Variants in RANBP9 observed in about 807,000 individuals in gnomAD.
The protein encoded by RANBP9 is RAN binding protein 9, also known as ran-binding protein 9.
In RANBP9, 15 loss-of-function variants were observed where a neutral mutation model predicts 84.3. That is an observed-to-expected ratio of 0.18 (90% CI 0.12 to 0.27). The LOEUF (loss-of-function observed/expected upper bound fraction) is 0.27, where lower values mean the gene tolerates loss of function less well. Ranked by LOEUF, RANBP9 falls within the 10% of genes least tolerant of loss-of-function variation. RANBP9 has a pLI of 1.00. For synonymous variants in RANBP9, 392 were observed against 349.6 expected (o/e 1.12, Z -1.35); for missense variants, 809 against 912.8 (o/e 0.89, Z 1.46).
chr6:13,641,235 A>G lies in RANBP9; in HGVS notation c.1298T>C (p.Leu433Ser). Residue 433 changes from leucine (L) to serine (S), a missense_variant, in exon 8 of 14, where the codon TTA becomes TCA. By Grantham distance (145) the Leu-to-Ser change is moderately radical. Transcript: ENST00000011619. The part of the protein sequence containing the change: ...IETTQQLYPS[L>S]LERNPNLLFT... ...AAGGAGATTAGGATTTCTTTCAAGT[A>G]AACTTGGGTATAACTGTTGTGTTGT... is the stretch of plus-strand genomic sequence containing the variant. 3 of 1,597,286 alleles carry G rather than the reference A, an allele frequency of 1.9e-6. No individual in the cohort carries two copies. Among genetic ancestry groups the G allele is most frequent in the Non-Finnish European group, 2.6e-6 (3 of 1,171,538 alleles).
intron 5 of RANBP9, 139 bp downstream of exon 5, chr6:13,652,520 G>T (rs1765319566): frequency 1.3e-6 from 1 of 776,756 alleles, no homozygotes; most frequent in Non-Finnish European, 1.9e-6. Context: ...TTAGAGAAAA[G>T]ATCTCTTTCT....
chr6:13,622,700 A>G (rs1027539443), intron 13 of RANBP9, among the ~76,000 whole-genome samples: 2 of 152,226 alleles, frequency 1.3e-5, no homozygotes, highest in Admixed American at 6.5e-5. Context: ...GTATTCAACT[A>G]TAAGATAAAC....
intron 3 of RANBP9, among the ~76,000 whole-genome samples, chr6:13,657,858 A>G (rs1765438727): frequency 6.6e-6 from 1 of 152,238 alleles, no homozygotes; most frequent in South Asian, 2.1e-4. Context: ...AAAGGGTACA[A>G]AACAAAGCAT....
intron 5 of RANBP9, among the ~76,000 whole-genome samples, chr6:13,649,177 G>A (rs1454425835): frequency 6.6e-6 from 1 of 152,002 alleles, no homozygotes; most frequent in East Asian, 1.9e-4. Flanking sequence ...TTGATATGAA[G>A]CCTATGGAAG....
chr6:13,690,872 G>A (rs1766306576), intron 2 of RANBP9, among the ~76,000 whole-genome samples: 1 of 152,052 alleles, frequency 6.6e-6, no homozygotes, highest in African/African-American at 2.4e-5. Context: ...ATGCCCTAAA[G>A]AAGTTATGCA....
At chr6:13,663,070 G>C (rs1209894115) in intron 2 of RANBP9, among the ~76,000 whole-genome samples, 1 of 151,902 alleles carries the variant, frequency 6.6e-6, no homozygotes, top group Admixed American at 6.6e-5. Context: ...GATTCAAGAA[G>C]CTCAGCAAAC....
intron 11 of RANBP9, among the ~76,000 whole-genome samples, chr6:13,633,091 G>A (rs886802614): frequency 6.6e-6 from 1 of 151,748 alleles, no homozygotes; most frequent in African/African-American, 2.4e-5. Flanking sequence ...CTGGAGTGCA[G>A]TGGTGTGATC....
At chr6:13,671,171 A>G (rs1228256296) in intron 2 of RANBP9, among the ~76,000 whole-genome samples, 1 of 152,188 alleles carries the variant, frequency 6.6e-6, no homozygotes, top group Non-Finnish European at 1.5e-5. Context: ...ATGTGTTGAC[A>G]AGAATGTGGA....
intron 2 of RANBP9, among the ~76,000 whole-genome samples, chr6:13,684,992 TCTC>T (rs570049915): frequency 3.9e-5 from 6 of 152,278 alleles, no homozygotes; most frequent in African/African-American, 1.4e-4. Context: ...TCCTCAGCCT[TCTC>T]CTGGACTCAC....
chr6:13,679,229 T>C (rs1023478611), intron 2 of RANBP9, among the ~76,000 whole-genome samples: 3 of 152,210 alleles, frequency 2.0e-5, no homozygotes, highest in African/African-American at 7.2e-5. Context: ...AAGCTGCATC[T>C]TTCTTCAGCT....
At position 13,669,947 on chromosome 6, in the gene RANBP9, GT is replaced by G. The variant is rs573406280; in HGVS notation, c.684-11116del. ...AAACAATCCAGTGGGGAAAGAACTGGTTTTTTTTTTTTCAACAAATGGTACT... is the reference window on the plus strand; with the variant it reads ...AAACAATCCAGTGGGGAAAGAACTGGTTTTTTTTTTTCAACAAATGGTACT... On this transcript the variant is annotated intron_variant, in intron 2 of 13. Transcript: ENST00000011619. Among the ~76,000 whole-genome samples, 892 of 145,852 alleles carry G rather than the reference GT, an allele frequency of 6.1e-3. 34 individuals carry two copies. Among genetic ancestry groups the G allele is most frequent in the Admixed American group, 0.05 (738 of 14,644 alleles).
rs773617414 is a variant in RANBP9 at position 13,658,845 on chromosome 6, GT to G, written c.684-14del. ...AATTCCCATGTAACTGTTGGCGGAG[GT>G]TGGGGGAGAGAAGAAAAGGACATTA... On this transcript the variant is annotated splice_polypyrimidine_tract_variant and intron_variant, in intron 2 of 13. Coordinates refer to ENST00000011619, the MANE Select transcript of RANBP9 (RefSeq NM_005493.3). 15 of 1,560,080 alleles carry G rather than the reference GT, an allele frequency of 9.6e-6. No homozygotes were observed. In the East Asian group the frequency reaches 2.0e-4, roughly 21 times the overall value.
chr6:13,653,990 T>C (rs1765348633), intron 4 of RANBP9, among the ~76,000 whole-genome samples: 1 of 152,076 alleles, frequency 6.6e-6, no homozygotes, highest in African/African-American at 2.4e-5. Flanking sequence ...TTTAATATAC[T>C]ATAAACTATA....
chr6:13,679,816 C>A (rs1765986701), intron 2 of RANBP9, among the ~76,000 whole-genome samples: 1 of 152,102 alleles, frequency 6.6e-6, no homozygotes, highest in African/African-American at 2.4e-5. Flanking sequence ...ATGCGTTTTA[C>A]TGTTTTGTTT....
In RANBP9 at chr6:13,644,610, G is replaced by C; in HGVS notation, c.1047C>G (p.Ile349Met). 1 of 1,613,544 alleles carries C rather than the reference G, an allele frequency of 6.2e-7. No individual in the cohort carries two copies. The highest frequency in any genetic ancestry group is 8.5e-7 in the Non-Finnish European group (1 of 1,179,738). ...TAGGAAATCGATCTATCTGTGCCTG[G>C]ATTTTGGTTCTCCACTCCCGCATAT... ...EDYMREWRTK[I>M]QAQIDRFPIG... Residue 349 changes from isoleucine (I) to methionine (M), a missense_variant, in exon 6 of 14, where the codon ATC (isoleucine) becomes ATG (methionine). Physicochemically the swap from Ile to Met is conservative, Grantham distance 10 (BLOSUM62 1). Coordinates refer to ENST00000011619, the MANE Select transcript of RANBP9 (RefSeq NM_005493.3).
chr6:13,710,481 T>C (rs1044582509), intron 1 of RANBP9, among the ~76,000 whole-genome samples: 2 of 152,138 alleles, frequency 1.3e-5, no homozygotes, highest in African/African-American at 4.8e-5. Flanking sequence ...CTGCTCTCTC[T>C]TAATTAGAAA....
intron 2 of RANBP9, among the ~76,000 whole-genome samples, chr6:13,672,835 C>T (rs916276351): frequency 2.7e-5 from 4 of 150,736 alleles, no homozygotes; most frequent in Non-Finnish European, 5.9e-5. Flanking sequence ...ATGCCTTTGA[C>T]GAGCAATCAG....
intron 9 of RANBP9, 92 bp downstream of exon 9, chr6:13,639,471 C>T: frequency 2.9e-6 from 4 of 1,371,292 alleles, no homozygotes; most frequent in Non-Finnish European, 4.0e-6. Flanking sequence ...AGCCACCGTG[C>T]CCAGCTGGAA....
intron 2 of RANBP9, among the ~76,000 whole-genome samples, chr6:13,668,107 G>C (rs1234206797): frequency 6.6e-6 from 1 of 151,592 alleles, no homozygotes; most frequent in Non-Finnish European, 1.5e-5. Context: ...TAAACATCAG[G>C]AATTACAAGA....
Sources: gnomAD v4.1 joint callset for allele counts (sites outside exome capture counted in the v4.1 genomes callset) on GRCh38, gnomAD v4.1.1 for gene constraint, MANE v1.5 for transcripts, NCBI Gene and HGNC (gene_info 2026-07-23, HGNC 2026-07-21) for gene names.